VAX2: variants seen among roughly 807,000 people sequenced by gnomAD.
VAX2 encodes ventral anterior homeobox 2.
VAX2 carries 8 observed loss-of-function variants against 12.5 expected under a neutral mutation model. That is an observed-to-expected ratio of 0.64 (90% confidence interval 0.37 to 1.15). The LOEUF (loss-of-function observed/expected upper bound fraction) is 1.15, where lower values mean the gene tolerates loss of function less well. VAX2 is among the 50% of genes most tolerant of loss of function. The pLI, the probability that VAX2 is intolerant of heterozygous loss-of-function variation, is 0.01. For synonymous variants in VAX2, 183 were observed against 187.6 expected, an observed-to-expected ratio of 0.98 and a Z score of 0.20; for missense variants, 476 against 412.9, an observed-to-expected ratio of 1.15 and a Z score of -1.32.
chr2:70,927,236 G>T (rs1553413670), intron 2 of VAX2, among the ~76,000 whole-genome samples: 1 of 152,030 alleles, frequency 6.6e-6, no homozygotes, highest in African/African-American at 2.4e-5. Flanking sequence ...AAGAGGATGT[G>T]GCTGCAGAGG....
At chr2:70,907,846 G>T (rs905389950) in intron 1 of VAX2, among the ~76,000 whole-genome samples, 11 of 152,174 alleles carry the variant, frequency 7.2e-5, no homozygotes, top group Non-Finnish European at 1.5e-4. Context: ...ATAAATAAAA[G>T]CAGAACTATA....
At position 70,900,759 on chromosome 2, in the gene VAX2, G is replaced by A. The variant is rs1174979083; in HGVS notation, c.138G>A (p.Val46=). 6.7e-7 allele frequency: 1 copy of A among 1,490,734 alleles called. No homozygotes were observed. Among genetic ancestry groups the A allele is most frequent in the Non-Finnish European group, 8.9e-7 (1 of 1,120,296 alleles). The allele number at this position is 1,490,734 out of a possible 1,614,324, so 92.3% of individuals were successfully genotyped here. The change falls in exon 1 of 3, where the codon GTG becomes GTA. Residue 46 remains valine (V), a synonymous_variant. Transcript: ENST00000234392. ...ADGGGHSPTE[V]AGTSASSPAG... is the part of the protein sequence containing the mutation. ...GCGGTGGCCACAGCCCAACGGAGGT[G>A]GCCGGGACCTCAGCCTCCAGTCCCG...
intron 1 of VAX2, among the ~76,000 whole-genome samples, chr2:70,916,396 G>GT (rs144077459): frequency 6.6e-6 from 1 of 151,996 alleles, no homozygotes; most frequent in African/African-American, 2.4e-5. Flanking sequence ...TCCTTGCACT[G>GT]TTTTTTTGTT....
At chr2:70,927,277 C>T (rs1553413674) in intron 2 of VAX2, among the ~76,000 whole-genome samples, 2 of 151,740 alleles carry the variant, frequency 1.3e-5, no homozygotes, top group African/African-American at 4.8e-5. Flanking sequence ...CTCAGGACTC[C>T]CCTCCTGCAG....
At chr2:70,926,531 C>T (rs541999453) in intron 2 of VAX2, among the ~76,000 whole-genome samples, 2 of 152,300 alleles carry the variant, frequency 1.3e-5, no homozygotes, top group East Asian at 1.9e-4. Context: ...TTGATTAAAG[C>T]AGCATTTCTC....
At position 70,932,890 on chromosome 2, in the gene VAX2, G is replaced by C. The variant is rs782644188; in HGVS notation, c.559G>C (p.Glu187Gln). The change falls in exon 3 of 3, where the codon GAG becomes CAG. Residue 187 changes from glutamate (E) to glutamine (Q), a missense_variant. Transcript: ENST00000234392. ...FATSNILRLL[E>Q]QGRLLSVPRA... ...CACCTCCAACATTCTGCGGCTGCTG[G>C]AGCAGGGCCGGCTGCTCTCTGTGCC... 2.5e-6 allele frequency: 4 copies of C among 1,613,296 alleles called. No individual in the cohort carries two copies. Among genetic ancestry groups the C allele is most frequent in the African/African-American group, 1.3e-5 (1 of 74,880 alleles).
At chr2:70,915,512 G>A (rs1572891760) in intron 1 of VAX2, among the ~76,000 whole-genome samples, 1 of 152,182 alleles carries the variant, frequency 6.6e-6, no homozygotes, top group East Asian at 1.9e-4. Flanking sequence ...TTACAGGCGT[G>A]AGCCACCACG....
intron 2 of VAX2, among the ~76,000 whole-genome samples, chr2:70,922,958 C>T (rs868941412): frequency 6.6e-6 from 1 of 152,302 alleles, no homozygotes; most frequent in South Asian, 2.1e-4. Flanking sequence ...AAGCCTTCTG[C>T]AGGCACCTTG....
At chr2:70,931,623 C>A (rs1034828724) in intron 2 of VAX2, among the ~76,000 whole-genome samples, 1 of 152,232 alleles carries the variant, frequency 6.6e-6, no homozygotes, top group South Asian at 2.1e-4. Context: ...CCTGTGCCCA[C>A]CTTTGAGACC....
At chr2:70,903,428 G>A (rs1345533606) in intron 1 of VAX2, among the ~76,000 whole-genome samples, 2 of 152,168 alleles carry the variant, frequency 1.3e-5, no homozygotes, top group African/African-American at 4.8e-5. Context: ...ACCACAGGGG[G>A]GTGGGGGGCA....
chr2:70,903,976 G>A (rs548636366), intron 1 of VAX2, among the ~76,000 whole-genome samples: 3 of 152,324 alleles, frequency 2.0e-5, no homozygotes, highest in African/African-American at 7.2e-5. Context: ...AGGGTGGAGA[G>A]CCAAAGAGGC....
intron 2 of VAX2, among the ~76,000 whole-genome samples, chr2:70,930,157 T>C (rs553076312): frequency 6.6e-6 from 1 of 152,346 alleles, no homozygotes; most frequent in African/African-American, 2.4e-5. Context: ...CTCATGACAC[T>C]AGTGTACTGC....
chr2:70,908,571 C>T (rs992349480), intron 1 of VAX2, among the ~76,000 whole-genome samples: 5 of 152,070 alleles, frequency 3.3e-5, no homozygotes, highest in Non-Finnish European at 5.9e-5. Flanking sequence ...TATTTGTGGA[C>T]ATTTGGTTAT....
At chr2:70,906,181 G>A (rs1447531644) in intron 1 of VAX2, among the ~76,000 whole-genome samples, 2 of 152,178 alleles carry the variant, frequency 1.3e-5, no homozygotes, top group Admixed American at 6.5e-5. Flanking sequence ...CAATCCCTGC[G>A]GCGAGACAGG....
Position 70,933,219 on chromosome 2 carries a change from G to A in VAX2, c.*15G>A, listed in dbSNP as rs774541242. 278 of 1,502,528 alleles carry A rather than the reference G, an allele frequency of 1.9e-4. No individual in the cohort carries two copies. Among genetic ancestry groups the A allele is most frequent in the Non-Finnish European group, 2.3e-4 (254 of 1,125,302 alleles). The allele number at this position is 1,502,528 out of a possible 1,614,324, so 93.1% of individuals were successfully genotyped here. A position where few individuals can be genotyped will look rare whatever the true frequency, so the allele number is the denominator to read the frequency against. On this transcript the variant is annotated 3_prime_UTR_variant, in exon 3 of 3. Coordinates refer to ENST00000234392, the MANE Select transcript of VAX2 (RefSeq NM_012476.3). ...CTAACACTTAAGACTCCCACCCTGT[G>A]ACACTGAGTCCCGAGCACAGCACCT...
chr2:70,921,142 G>C lies in VAX2; in HGVS notation c.292G>C (p.Asp98His). 1 of 1,612,846 alleles carries C rather than the reference G, an allele frequency of 6.2e-7. No homozygotes were observed. Among genetic ancestry groups the C allele is most frequent in the Non-Finnish European group, 8.5e-7 (1 of 1,179,556 alleles). Reference sequence around the variant, plus strand: ...GGAAATTGTCCTGCCTAAGGGCCTGGACCTGGACCGGCCCAAGCGGACACG... The same window carrying C: ...GGAAATTGTCCTGCCTAAGGGCCTGCACCTGGACCGGCCCAAGCGGACACG... ...IREIVLPKGLDLDRPKRTRTS... is the reference protein window; with the variant it reads ...IREIVLPKGLHLDRPKRTRTS... Residue 98 changes from aspartate (D) to histidine (H), a missense_variant, in exon 2 of 3, where the codon GAC (aspartate) becomes CAC (histidine). Transcript: ENST00000234392.
intron 2 of VAX2, among the ~76,000 whole-genome samples, chr2:70,931,682 G>T (rs934811778): frequency 1.1e-4 from 16 of 152,238 alleles, no homozygotes; most frequent in African/African-American, 3.9e-4. Flanking sequence ...CCCGCCAAAT[G>T]GCCCTGAGCC....
chr2:70,915,431 C>T lies in VAX2; in HGVS notation c.248-5667C>T, dbSNP rs55691266. Among the ~76,000 whole-genome samples, 743 of 151,090 alleles carry T rather than the reference C, an allele frequency of 4.9e-3. 5 individuals carry two copies. The highest frequency in any genetic ancestry group is 0.017 in the African/African-American group (694 of 41,138). On this transcript the variant is annotated intron_variant, in intron 1 of 2. Transcript: ENST00000234392. ...TTTTAGTAGAGACGGAGTTTCGCCA[C>T]GTTGGCCAGGCTGGTCTCGAACTCC...
chr2:70,907,850 A>G (rs1396278310), intron 1 of VAX2, among the ~76,000 whole-genome samples: 6 of 152,258 alleles, frequency 3.9e-5, no homozygotes, highest in Non-Finnish European at 8.8e-5. Context: ...ATAAAAGCAG[A>G]ACTATATTTC....
Sources: gnomAD v4.1 joint callset for allele counts (sites outside exome capture counted in the v4.1 genomes callset) on GRCh38, gnomAD v4.1.1 for gene constraint, MANE v1.5 for transcripts, NCBI Gene and HGNC (gene_info 2026-07-23, HGNC 2026-07-21) for gene names.